The following ZBTB20 variants were observed in gnomAD, a reference collection of about 807,000 sequenced individuals.
ZBTB20 encodes the protein zinc finger and BTB domain-containing protein 20.
A neutral mutation model predicts 56.9 loss-of-function variants in ZBTB20; 9 were observed. The ratio of observed to expected loss-of-function variants is 0.16; its 90% CI spans 0.10 to 0.28. The LOEUF (loss-of-function observed/expected upper bound fraction) is 0.28, where lower values mean the gene tolerates loss of function less well. ZBTB20 is among the 10% of genes least tolerant of loss of function. ZBTB20 has a pLI of 1.00. For missense variants in ZBTB20, 655 were observed against 1,003.0 expected (o/e 0.65, Z 4.69); for synonymous variants, 417 against 420.7 (o/e 0.99, Z 0.11).
intron 5 of ZBTB20, among the ~76,000 whole-genome samples, chr3:114,706,767 C>T (rs2063742083): frequency 6.6e-6 from 1 of 152,032 alleles, no homozygotes. Flanking sequence ...TTAGGTAATG[C>T]TGTGTACATC....
chr3:114,941,877 C>G (rs2076732570), intron 3 of ZBTB20, among the ~76,000 whole-genome samples: 1 of 145,910 alleles, frequency 6.9e-6, no homozygotes, highest in Admixed American at 6.6e-5. Flanking sequence ...TTTTACTAAC[C>G]AAATATTACA....
intron 4 of ZBTB20, among the ~76,000 whole-genome samples, chr3:114,885,064 G>A (rs993411702): frequency 5.3e-5 from 8 of 152,168 alleles, no homozygotes; most frequent in Non-Finnish European, 1.0e-4. Context: ...AGGAGATTTG[G>A]TTAAGCATTT....
At chr3:114,461,581 A>T (rs972677483) in intron 7 of ZBTB20, among the ~76,000 whole-genome samples, 7 of 152,238 alleles carry the variant, frequency 4.6e-5, no homozygotes, top group African/African-American at 1.7e-4. Context: ...GCTGGATTAC[A>T]GGTGTGAGCC....
intron 3 of ZBTB20, among the ~76,000 whole-genome samples, chr3:114,947,170 A>T (rs1484305081): frequency 6.8e-6 from 1 of 146,080 alleles, no homozygotes; most frequent in Non-Finnish European, 1.5e-5. Context: ...AGATCTTGGC[A>T]AGCAATTGCA....
At chr3:114,771,584 C>G (rs1180056933) in intron 5 of ZBTB20, among the ~76,000 whole-genome samples, 1 of 152,156 alleles carries the variant, frequency 6.6e-6, no homozygotes, top group Non-Finnish European at 1.5e-5. Flanking sequence ...GAGCTCATTT[C>G]TTCCTTAAGG....
intron 2 of ZBTB20, among the ~76,000 whole-genome samples, chr3:115,004,875 T>C (rs1311198497): frequency 2.0e-5 from 3 of 151,824 alleles, no homozygotes; most frequent in Non-Finnish European, 4.4e-5. Context: ...TACTGAAATT[T>C]CTGTTTAAAG....
chr3:114,508,600 A>G (rs888680111), intron 6 of ZBTB20, among the ~76,000 whole-genome samples: 6 of 152,146 alleles, frequency 3.9e-5, no homozygotes, highest in African/African-American at 1.2e-4. Context: ...ATATCTAAAG[A>G]TGGACTTTGG....
chr3:115,091,430 C>T (rs1488189199), intron 1 of ZBTB20, among the ~76,000 whole-genome samples: 1 of 151,940 alleles, frequency 6.6e-6, no homozygotes, highest in African/African-American at 2.4e-5. Context: ...AAGTATGTTA[C>T]CCCAAATAAT....
chr3:114,613,184 G>T (rs144743905), intron 6 of ZBTB20, among the ~76,000 whole-genome samples: 43 of 152,234 alleles, frequency 2.8e-4, no homozygotes, highest in African/African-American at 1.0e-3. Context: ...TATGGACTAG[G>T]TACTGGTATT....
chr3:114,314,926 G>T lies in ZBTB20; in HGVS notation c.*24079C>A, dbSNP rs908066830. The T allele has an allele frequency of 1.6e-4, 24 of 152,054 alleles. No homozygotes were observed. Among genetic ancestry groups the T allele is most frequent in the African/African-American group, 5.3e-4 (22 of 41,388 alleles). 9.4% of individuals were successfully genotyped at this position (152,054 alleles called of 1,614,324 possible). A position where few individuals can be genotyped will look rare whatever the true frequency, so the allele number is the denominator to read the frequency against. On this transcript the variant is annotated 3_prime_UTR_variant, in exon 12 of 12. Transcript: ENST00000675478. ...ATACGAGGCTAATATTAAATGGCAG[G>T]TAAGGATACTGTCACTGTAAGAAAA... is the stretch of plus-strand genomic sequence containing the variant.
chr3:115,067,044 A>G (rs1188930543), intron 2 of ZBTB20, among the ~76,000 whole-genome samples: 3 of 152,114 alleles, frequency 2.0e-5, no homozygotes, highest in Admixed American at 6.6e-5. Context: ...TAAATTAAAT[A>G]TGACCATAAC....
chr3:115,021,289 CAT>C (rs1393108189), intron 2 of ZBTB20, among the ~76,000 whole-genome samples: 1 of 150,780 alleles, frequency 6.6e-6, no homozygotes, highest in African/African-American at 2.4e-5. Context: ...CAGGCCTAAA[CAT>C]ATGAAGTTCA....
At chr3:114,466,641 G>A (rs868322585) in intron 7 of ZBTB20, among the ~76,000 whole-genome samples, 5 of 152,222 alleles carry the variant, frequency 3.3e-5, no homozygotes, top group Middle Eastern at 3.2e-3. Context: ...GGAAGAGATA[G>A]TTTGGGCAGG....
Position 114,695,460 on chromosome 3 carries a change from C to T in ZBTB20, c.-342-1885G>A, listed in dbSNP as rs144973611. ...TCCTGCCCTAGTATGGTTCAGAGAC[C>T]GTGAAAACCCACCAAGATGAAAATG... is the stretch of plus-strand genomic sequence containing the variant. On this transcript the variant is annotated intron_variant, in intron 5 of 11. Coordinates refer to ENST00000675478, the MANE Select transcript of ZBTB20 (RefSeq NM_001348800.3). 4.6e-4 allele frequency among the ~76,000 whole-genome samples: 70 copies of T among 151,888 alleles called. 1 individual carries two copies. In the East Asian group the frequency reaches 5.6e-3, roughly 12 times the overall value.
At chr3:114,660,637 T>G (rs928274382) in intron 6 of ZBTB20, among the ~76,000 whole-genome samples, 2 of 152,162 alleles carry the variant, frequency 1.3e-5, no homozygotes, top group Admixed American at 6.6e-5. Flanking sequence ...AAATGCCTAG[T>G]GACCTTCCAT....
At chr3:114,797,564 A>T (rs1459740315) in intron 5 of ZBTB20, among the ~76,000 whole-genome samples, 1 of 152,030 alleles carries the variant, frequency 6.6e-6, no homozygotes, top group Non-Finnish European at 1.5e-5. Context: ...CAGATAAATT[A>T]TGAATTCCTT....
chr3:114,879,262 C>T lies in ZBTB20; in HGVS notation c.-417+21042G>A, dbSNP rs145766015. Among the ~76,000 whole-genome samples, 141 of 152,276 alleles carry T rather than the reference C, an allele frequency of 9.3e-4. 1 individual carries two copies. Among genetic ancestry groups the T allele is most frequent in the Middle Eastern group, 3.4e-3 (1 of 294 alleles). On this transcript the variant is annotated intron_variant, in intron 4 of 11. Coordinates refer to ENST00000675478, the MANE Select transcript of ZBTB20 (RefSeq NM_001348800.3). The stretch of plus-strand genomic sequence containing the variant: ...CTCAACTAGCGATCTTGAAGCATGT[C>T]TGATTTTCCACCTGGTGAGAAGAAG...
chr3:114,681,015 A>G (rs576476190), intron 6 of ZBTB20, among the ~76,000 whole-genome samples: 1 of 152,356 alleles, frequency 6.6e-6, no homozygotes, highest in South Asian at 2.1e-4. Flanking sequence ...GCAAGAGAAG[A>G]CAGACTAACA....
intron 6 of ZBTB20, among the ~76,000 whole-genome samples, chr3:114,676,644 C>A (rs895670512): frequency 6.6e-6 from 1 of 151,954 alleles, no homozygotes; most frequent in African/African-American, 2.4e-5. Context: ...TCAGGTAATA[C>A]TTACATTTAC....
Sources: gnomAD v4.1 joint callset for allele counts (sites outside exome capture counted in the v4.1 genomes callset) on GRCh38, gnomAD v4.1.1 for gene constraint, MANE v1.5 for transcripts, NCBI Gene and HGNC (gene_info 2026-07-23, HGNC 2026-07-21) for gene names.